The following CNBD1 variants were observed in gnomAD, a reference collection of about 807,000 sequenced individuals.
CNBD1 encodes cyclic nucleotide binding domain containing 1, also known as cyclic nucleotide-binding domain-containing protein 1.
In CNBD1, 71 loss-of-function variants were observed where a neutral mutation model predicts 54.4. The ratio of observed to expected loss-of-function variants is 1.30; its 90% CI spans 1.08 to 1.59. The LOEUF (loss-of-function observed/expected upper bound fraction) is 1.59, where lower values mean the gene tolerates loss of function less well. Ranked by LOEUF, CNBD1 falls within the 40% of genes most tolerant of loss-of-function variation. The pLI, the probability that CNBD1 is intolerant of heterozygous loss-of-function variation, is 0.00. For missense variants in CNBD1, 659 were observed against 518.0 expected, an observed-to-expected ratio of 1.27 and a Z score of -2.64; for synonymous variants, 182 against 170.7, an observed-to-expected ratio of 1.07 and a Z score of -0.51.
At chr8:87,186,529 CA>C (rs1813479513) in intron 4 of CNBD1, among the ~76,000 whole-genome samples, 1 of 151,942 alleles carries the variant, frequency 6.6e-6, no homozygotes, top group Non-Finnish European at 1.5e-5. Context: ...AACAAACAAA[CA>C]ACAAAAATAA....
intron 8 of CNBD1, among the ~76,000 whole-genome samples, chr8:87,292,759 C>A (rs1472116048): frequency 6.6e-6 from 1 of 152,090 alleles, no homozygotes; most frequent in African/African-American, 2.4e-5. Context: ...TATTTCTCTG[C>A]AGTATCTGGA....
intron 3 of CNBD1, among the ~76,000 whole-genome samples, chr8:86,928,633 C>A (rs981983680): frequency 3.3e-5 from 5 of 152,298 alleles, no homozygotes; most frequent in East Asian, 1.9e-4. Flanking sequence ...TCAACGCAGA[C>A]CAACAAGTAT....
intron 1 of CNBD1, among the ~76,000 whole-genome samples, chr8:86,868,437 G>C: frequency 6.6e-6 from 1 of 152,036 alleles, no homozygotes; most frequent in Non-Finnish European, 1.5e-5. Context: ...CCGCCTCCTG[G>C]GTTCAAGCGA....
intron 4 of CNBD1, among the ~76,000 whole-genome samples, chr8:87,144,973 A>G (rs1812453084): frequency 6.6e-6 from 1 of 152,190 alleles, no homozygotes; most frequent in Admixed American, 6.6e-5. Flanking sequence ...AGAAATATGT[A>G]TGCTAAAAGG....
At chr8:87,186,570 T>A (rs891332756) in intron 4 of CNBD1, among the ~76,000 whole-genome samples, 8 of 152,138 alleles carry the variant, frequency 5.3e-5, no homozygotes, top group Admixed American at 1.3e-4. Context: ...GACAGTTGTA[T>A]ACACTGCTGG....
chr8:87,362,118 T>A (rs1810535137), intron 10 of CNBD1, among the ~76,000 whole-genome samples: 1 of 152,108 alleles, frequency 6.6e-6, no homozygotes, highest in African/African-American at 2.4e-5. Context: ...TTTAGGTTAC[T>A]TTTCAAAAAT....
intron 4 of CNBD1, among the ~76,000 whole-genome samples, chr8:87,067,964 AT>A (rs1810687770): frequency 6.6e-6 from 1 of 152,052 alleles, no homozygotes; most frequent in East Asian, 1.9e-4. Flanking sequence ...TATCTAAAAA[AT>A]AATAGCCAAA....
Position 87,382,859 on chromosome 8 carries a change from A to T in CNBD1, c.*232A>T. 1 of 395,300 alleles carries T rather than the reference A, an allele frequency of 2.5e-6. No homozygotes were observed. Among genetic ancestry groups the T allele is most frequent in the Non-Finnish European group, 4.6e-6 (1 of 219,492 alleles). The allele number at this position is 395,300 out of a possible 1,614,324, so 24.5% of individuals were successfully genotyped here. ...AAATATAGTTATCATTGCTTGATTT[A>T]CCTCTGTTGATACGAAGGTTTTCTT... On this transcript the variant is annotated 3_prime_UTR_variant, in exon 11 of 11. Transcript: ENST00000518476.
intron 4 of CNBD1, among the ~76,000 whole-genome samples, chr8:86,982,987 G>A (rs1219287279): frequency 6.6e-6 from 1 of 152,120 alleles, no homozygotes; most frequent in African/African-American, 2.4e-5. Context: ...CTTAAAAAAA[G>A]TAATTTTGAC....
intron 2 of CNBD1, among the ~76,000 whole-genome samples, chr8:87,425,006 G>C: frequency 6.6e-6 from 1 of 152,036 alleles, no homozygotes; most frequent in South Asian, 2.1e-4. Flanking sequence ...ATTTCTTGGA[G>C]GCTTTCCTCA....
At chr8:87,098,116 AGT>A (rs1232158534) in intron 4 of CNBD1, among the ~76,000 whole-genome samples, 1 of 152,222 alleles carries the variant, frequency 6.6e-6, no homozygotes, top group Admixed American at 6.5e-5. Context: ...TCTAAAACAA[AGT>A]TACATAACTC....
intron 7 of CNBD1, among the ~76,000 whole-genome samples, chr8:87,285,696 C>T (rs1028002506): frequency 5.3e-5 from 8 of 152,108 alleles, no homozygotes; most frequent in Admixed American, 6.6e-5. Context: ...CATGGAGAAA[C>T]CCTGTCTCTA....
intron 10 of CNBD1, among the ~76,000 whole-genome samples, chr8:87,376,798 A>G (rs1050916931): frequency 6.6e-6 from 1 of 151,946 alleles, no homozygotes; most frequent in Non-Finnish European, 1.5e-5. Flanking sequence ...ATACATAGAA[A>G]TTTGTAAGTA....
chr8:87,180,407 C>G (rs188775871), intron 4 of CNBD1, among the ~76,000 whole-genome samples: 1 of 151,994 alleles, frequency 6.6e-6, no homozygotes, highest in Non-Finnish European at 1.5e-5. Context: ...AAGCCTAATA[C>G]GTTACTGTGT....
intron 4 of CNBD1, among the ~76,000 whole-genome samples, chr8:87,073,295 A>G (rs1034626022): frequency 6.6e-6 from 1 of 151,840 alleles, no homozygotes; most frequent in African/African-American, 2.4e-5. Context: ...TGTGAAGCCT[A>G]CTTCTGTCAA....
intron 10 of CNBD1, among the ~76,000 whole-genome samples, chr8:87,372,931 A>C (rs1485675526): frequency 6.6e-6 from 1 of 151,704 alleles, no homozygotes; most frequent in Non-Finnish European, 1.5e-5. Context: ...CCTTTACCTA[A>C]GTAAACTCCT....
At chr8:87,350,731 C>T (rs1268614078) in intron 8 of CNBD1, among the ~76,000 whole-genome samples, 1 of 151,882 alleles carries the variant, frequency 6.6e-6, no homozygotes, top group East Asian at 1.9e-4. Context: ...GTTACTACTG[C>T]TGTGTTTAAA....
chr8:87,333,374 C>T (rs1809875275), intron 8 of CNBD1, among the ~76,000 whole-genome samples: 3 of 152,104 alleles, frequency 2.0e-5, no homozygotes, highest in African/African-American at 7.2e-5. Context: ...ATTTCTTTCT[C>T]TTGCCTGATT....
chr8:87,387,343 G>A (rs1811210314), downstream of CNBD1, among the ~76,000 whole-genome samples: 1 of 152,002 alleles, frequency 6.6e-6, no homozygotes, highest in Admixed American at 6.6e-5. Context: ...CCATCAATGT[G>A]CTGTATTCAG....
Sources: gnomAD v4.1 joint callset for allele counts (sites outside exome capture counted in the v4.1 genomes callset) on GRCh38, gnomAD v4.1.1 for gene constraint, MANE v1.5 for transcripts, NCBI Gene and HGNC (gene_info 2026-07-23, HGNC 2026-07-21) for gene names.